Variants in AEBP2 observed in about 807,000 individuals in gnomAD.
AEBP2 encodes the protein AE binding protein 2, also known as zinc finger protein AEBP2.
In AEBP2, 10 loss-of-function variants were observed where a neutral mutation model predicts 50.8. The observed-to-expected ratio is 0.20, with a 90% CI of 0.12 to 0.33. The LOEUF (loss-of-function observed/expected upper bound fraction) is 0.33, where lower values mean the gene tolerates loss of function less well. AEBP2 is among the 10% of genes least tolerant of loss of function. The pLI is 1.00. For missense variants in AEBP2, 570 were observed against 688.0 expected (o/e 0.83, Z 1.92); for synonymous variants, 296 against 261.3 (o/e 1.13, Z -1.28).
At chr12:19,510,945 G>A (rs147742199) in intron 5 of AEBP2, among the ~76,000 whole-genome samples, 31 of 140,982 alleles carry the variant, frequency 2.2e-4, no homozygotes, top group African/African-American at 8.2e-4. Context: ...CTGGGCAGGT[G>A]ATCCTGTCAC....
At chr12:19,490,934 C>G (rs1332354665) in intron 3 of AEBP2, among the ~76,000 whole-genome samples, 1 of 152,150 alleles carries the variant, frequency 6.6e-6, no homozygotes, top group Non-Finnish European at 1.5e-5. Flanking sequence ...CTAAATTCCA[C>G]TGAATTGTAC....
chr12:19,425,366 G>A (rs967631955), intron 1 of AEBP2, among the ~76,000 whole-genome samples: 4 of 152,158 alleles, frequency 2.6e-5, no homozygotes, highest in Non-Finnish European at 5.9e-5. Context: ...TGAAGCTAGT[G>A]ATTTGTTAAA....
chr12:19,473,101 T>G (rs1197692435), intron 2 of AEBP2, 147 bp from the exon 3 acceptor site: 1 of 324,564 alleles, frequency 3.1e-6, no homozygotes, highest in Non-Finnish European at 5.5e-6. Context: ...TTTGACAGTT[T>G]ATGTATATTA....
At chr12:19,427,680 CA>C (rs1171466863) in intron 1 of AEBP2, among the ~76,000 whole-genome samples, 1 of 152,106 alleles carries the variant, frequency 6.6e-6, no homozygotes, top group Non-Finnish European at 1.5e-5. Context: ...ACCATACATA[CA>C]AACATAGTAT....
At position 19,518,814 on chromosome 12, in the gene AEBP2, C is replaced by A; in HGVS notation, c.*697C>A. 1 of 1,082,950 alleles carries A rather than the reference C, an allele frequency of 9.2e-7. No homozygotes were observed. The allele number at this position is 1,082,950 out of a possible 1,614,324, so 67.1% of individuals were successfully genotyped here. A position where few individuals can be genotyped will look rare whatever the true frequency, so the allele number is the denominator to read the frequency against. On this transcript the variant is annotated 3_prime_UTR_variant, in exon 8 of 8. Transcript: ENST00000266508. Reference sequence around the variant, plus strand: ...GCAGTATGTCTGGTGGCTCCCTTTTCAGGACTAGGGCTTTCTCATGGAGTA... The same window carrying A: ...GCAGTATGTCTGGTGGCTCCCTTTTAAGGACTAGGGCTTTCTCATGGAGTA...
rs79807396 is a variant in AEBP2, at chr12:19,510,847, C to T, written c.1300-1551C>T. 2.6e-3 allele frequency among the ~76,000 whole-genome samples: 347 copies of T among 133,550 alleles called. 1 individual carries two copies. Among genetic ancestry groups the T allele is most frequent in the Admixed American group, 3.9e-3 (51 of 12,964 alleles). 87.6% of individuals were successfully genotyped at this position (133,550 alleles called of 152,430 possible). ...TTTTTACTGTAATTCTGCAGTACAT[C>T]GCTTTTTAAGGTAGTGACTTTTTTT... On this transcript the variant is annotated intron_variant, in intron 5 of 7. Coordinates refer to ENST00000266508, the MANE Select transcript of AEBP2 (RefSeq NM_153207.5).
chr12:19,464,225 A>G (rs1030228028), intron 2 of AEBP2, among the ~76,000 whole-genome samples: 5 of 152,154 alleles, frequency 3.3e-5, no homozygotes, highest in South Asian at 4.1e-4. Context: ...TTCTCCCCCA[A>G]GCCATATGTC....
At chr12:19,456,665 G>C (rs1282609936) in intron 1 of AEBP2, 23 of 1,550,846 alleles carry the variant, frequency 1.5e-5, no homozygotes. Flanking sequence ...CAGCATCATT[G>C]CCATGACGAA....
intron 1 of AEBP2, among the ~76,000 whole-genome samples, chr12:19,462,110 A>G (rs1948389719): frequency 6.6e-6 from 1 of 152,196 alleles, no homozygotes; most frequent in Admixed American, 6.5e-5. Flanking sequence ...GCAGAGCTAT[A>G]AAGATAATGC....
At chr12:19,485,877 A>G (rs1948800796) in intron 3 of AEBP2, among the ~76,000 whole-genome samples, 1 of 150,898 alleles carries the variant, frequency 6.6e-6, no homozygotes, top group Non-Finnish European at 1.5e-5. Context: ...CTGGGAAAGG[A>G]TAGTAGAAGA....
intron 3 of AEBP2, among the ~76,000 whole-genome samples, chr12:19,473,932 C>T (rs1352106753): frequency 6.6e-6 from 1 of 151,950 alleles, no homozygotes; most frequent in Admixed American, 6.6e-5. Flanking sequence ...AGTGGGTAGA[C>T]TAATGACTGG....
chr12:19,503,566 A>G (rs1949114045), intron 5 of AEBP2, among the ~76,000 whole-genome samples: 1 of 151,608 alleles, frequency 6.6e-6, no homozygotes, highest in Non-Finnish European at 1.5e-5. Flanking sequence ...AGTAAATTCG[A>G]TTTCCTCTTT....
rs1391315840 is a variant in AEBP2, at chr12:19,440,070, G to T, written c.371G>T (p.Ser124Ile). The change falls in exon 1 of 8, where the codon AGC (serine) becomes ATC (isoleucine). Residue 124 changes from serine (S) to isoleucine (I), a missense_variant. By Grantham distance (142) the Ser-to-Ile change is moderately radical. Coordinates refer to ENST00000266508, the MANE Select transcript of AEBP2 (RefSeq NM_153207.5). The part of the protein sequence containing the change: ...GGGEEESSAE[S>I]LVGSSGGSSS... The stretch of plus-strand genomic sequence containing the variant: ...GGTGAGGAGGAGAGTAGCGCCGAGA[G>T]CCTGGTGGGCAGCAGCGGCGGGAGC... 7.3e-6 allele frequency: 11 copies of T among 1,514,300 alleles called. No individual in the cohort carries two copies. The highest frequency in any genetic ancestry group is 2.0e-5 in the Admixed American group (1 of 48,992). 93.8% of individuals were successfully genotyped at this position (1,514,300 alleles called of 1,614,324 possible).
chr12:19,469,699 A>G (rs1948541659), intron 2 of AEBP2, among the ~76,000 whole-genome samples: 1 of 152,166 alleles, frequency 6.6e-6, no homozygotes, highest in Non-Finnish European at 1.5e-5. Context: ...ATCTTGCCTC[A>G]GCCTCCAGAG....
intron 1 of AEBP2, among the ~76,000 whole-genome samples, chr12:19,414,986 T>C (rs1179706655): frequency 6.6e-6 from 1 of 151,462 alleles, no homozygotes; most frequent in African/African-American, 2.4e-5. Flanking sequence ...CCTGAGAGTT[T>C]GCATGTTTCA....
At chr12:19,466,671 T>A in intron 2 of AEBP2, 1 of 338,046 alleles carries the variant, frequency 3.0e-6, no homozygotes, top group Non-Finnish European at 4.2e-6. Context: ...TGTAGGTATC[T>A]AATATAAGTA....
At chr12:19,410,356 C>T (rs1028459267) in intron 1 of AEBP2, among the ~76,000 whole-genome samples, 1 of 152,180 alleles carries the variant, frequency 6.6e-6, no homozygotes, top group Non-Finnish European at 1.5e-5. Context: ...GGAGTAAACA[C>T]ACCTCCTGCC....
chr12:19,433,466 A>T (rs1040588657), intron 1 of AEBP2, among the ~76,000 whole-genome samples: 2 of 152,092 alleles, frequency 1.3e-5, no homozygotes, highest in Non-Finnish European at 2.9e-5. Context: ...ATAAAATAAA[A>T]TAACTGATGA....
intron 2 of AEBP2, among the ~76,000 whole-genome samples, chr12:19,468,278 A>G (rs1272340109): frequency 6.6e-6 from 1 of 151,996 alleles, no homozygotes; most frequent in African/African-American, 2.4e-5. Context: ...TTCCAGGCAT[A>G]TATCACCACA....
Sources: gnomAD v4.1 joint callset for allele counts (sites outside exome capture counted in the v4.1 genomes callset) on GRCh38, gnomAD v4.1.1 for gene constraint, MANE v1.5 for transcripts, NCBI Gene and HGNC (gene_info 2026-07-23, HGNC 2026-07-21) for gene names.